Variants in GRIK1 observed in about 807,000 individuals in gnomAD.
GRIK1 encodes glutamate ionotropic receptor kainate type subunit 1.
In GRIK1, 69 loss-of-function variants were observed where a neutral mutation model predicts 105.7. The observed-to-expected ratio is 0.65, with a 90% confidence interval of 0.54 to 0.80. GRIK1 has a LOEUF of 0.80. GRIK1 is among the 30% of genes least tolerant of loss of function. GRIK1 has a pLI of 0.00. For missense variants in GRIK1, 1,109 were observed against 1,167.3 expected (o/e 0.95, Z 0.73); for synonymous variants, 438 against 431.3 (o/e 1.02, Z -0.19).
At chr21:29,604,386 C>A (rs2061574296) in intron 7 of GRIK1, among the ~76,000 whole-genome samples, 1 of 152,166 alleles carries the variant, frequency 6.6e-6, no homozygotes, top group Admixed American at 6.5e-5. Flanking sequence ...TGTCTTCCTG[C>A]CTCTCATCCC....
chr21:29,810,524 T>C (rs1341793416), intron 1 of GRIK1, among the ~76,000 whole-genome samples: 4 of 152,176 alleles, frequency 2.6e-5, no homozygotes, highest in African/African-American at 7.2e-5. Context: ...GAGGTATGCC[T>C]GTATAGTTCC....
chr21:29,784,163 A>G (rs910600933), intron 1 of GRIK1, among the ~76,000 whole-genome samples: 1 of 152,212 alleles, frequency 6.6e-6, no homozygotes, highest in African/African-American at 2.4e-5. Flanking sequence ...CACTATGTCA[A>G]TATAAAAGAA....
At chr21:29,907,204 T>G (rs1241657683) in intron 1 of GRIK1, among the ~76,000 whole-genome samples, 5 of 151,912 alleles carry the variant, frequency 3.3e-5, no homozygotes, top group Admixed American at 6.6e-5. Flanking sequence ...TCTCCCTCAG[T>G]GGAAGAATAA....
intron 1 of GRIK1, among the ~76,000 whole-genome samples, chr21:29,694,815 A>C (rs2063663207): frequency 1.3e-5 from 2 of 152,200 alleles, no homozygotes; most frequent in African/African-American, 4.8e-5. Flanking sequence ...GATCATGCAG[A>C]GTTGATGGGA....
chr21:29,798,726 G>A (rs913069216), intron 1 of GRIK1, among the ~76,000 whole-genome samples: 1 of 152,026 alleles, frequency 6.6e-6, no homozygotes, highest in Non-Finnish European at 1.5e-5. Flanking sequence ...AATACTCCTC[G>A]GCATGTCCAA....
chr21:29,757,500 T>A (rs1009473760), intron 1 of GRIK1, among the ~76,000 whole-genome samples: 1 of 152,250 alleles, frequency 6.6e-6, no homozygotes, highest in African/African-American at 2.4e-5. Context: ...ACTAGCACAA[T>A]TTCCTATATA....
At chr21:29,887,329 C>A (rs2069666793) in intron 1 of GRIK1, among the ~76,000 whole-genome samples, 1 of 152,126 alleles carries the variant, frequency 6.6e-6, no homozygotes, top group South Asian at 2.1e-4. Flanking sequence ...GAAGTTCTAA[C>A]CTAACAATCC....
At chr21:29,581,951 T>A (rs1230536261) in intron 12 of GRIK1, among the ~76,000 whole-genome samples, 1 of 152,190 alleles carries the variant, frequency 6.6e-6, no homozygotes, top group African/African-American at 2.4e-5. Flanking sequence ...GTCAAGATAT[T>A]GTGTCGTTAG....
intron 3 of GRIK1, among the ~76,000 whole-genome samples, chr21:29,677,225 G>A (rs2063286422): frequency 1.3e-5 from 2 of 152,170 alleles, no homozygotes; most frequent in South Asian, 2.1e-4. Context: ...GTGTACAGGA[G>A]TTTATTGTAC....
intron 1 of GRIK1, among the ~76,000 whole-genome samples, chr21:29,755,228 T>C (rs916520788): frequency 6.6e-6 from 1 of 152,186 alleles, no homozygotes; most frequent in Admixed American, 6.5e-5. Flanking sequence ...TGTTAGTATA[T>C]TAATATGGAT....
In GRIK1 at chr21:29,715,974, C is replaced by T. The variant is rs2064167631; in HGVS notation, c.119-21911G>A. 2.0e-5 allele frequency among the ~76,000 whole-genome samples: 3 copies of T among 151,872 alleles called. No homozygotes were observed. In the South Asian group the frequency reaches 6.2e-4, roughly 32 times the overall value. ...TAATCCCTATGTGTGGTGGGAGGGACCAGGTGGGAGATAATTGAATCATGG... is the reference window on the plus strand; with the variant it reads ...TAATCCCTATGTGTGGTGGGAGGGATCAGGTGGGAGATAATTGAATCATGG... On this transcript the variant is annotated intron_variant, in intron 1 of 17. Transcript: ENST00000327783.
intron 1 of GRIK1, among the ~76,000 whole-genome samples, chr21:29,874,805 A>G (rs1460571808): frequency 6.6e-6 from 1 of 152,182 alleles, no homozygotes; most frequent in Non-Finnish European, 1.5e-5. Context: ...AATGGAGAGA[A>G]CTTAGTGACT....
At chr21:29,930,712 T>A (rs1481543748) in intron 1 of GRIK1, among the ~76,000 whole-genome samples, 1 of 152,324 alleles carries the variant, frequency 6.6e-6, no homozygotes, top group South Asian at 2.1e-4. Flanking sequence ...ACAACTAATG[T>A]CTGATTTTCT....
At chr21:29,905,936 G>GTT (rs199940755) in intron 1 of GRIK1, among the ~76,000 whole-genome samples, 6 of 139,116 alleles carry the variant, frequency 4.3e-5, no homozygotes, top group African/African-American at 1.8e-4. Context: ...CCCAAAACTT[G>GTT]TTTTTTTTGT....
At chr21:29,757,326 C>T (rs917288684) in intron 1 of GRIK1, among the ~76,000 whole-genome samples, 1 of 152,066 alleles carries the variant, frequency 6.6e-6, no homozygotes, top group African/African-American at 2.4e-5. Flanking sequence ...AGAAGGTTTC[C>T]TTCAACTTCT....
intron 14 of GRIK1, among the ~76,000 whole-genome samples, chr21:29,575,433 C>T (rs1018794969): frequency 6.6e-5 from 10 of 151,926 alleles, no homozygotes; most frequent in African/African-American, 2.4e-4. Context: ...GCAACTTATA[C>T]CTCCTAAATC....
chr21:29,631,783 A>T (rs7509953), intron 7 of GRIK1, among the ~76,000 whole-genome samples: 78,894 of 152,110 alleles, frequency 0.52, 23,083 homozygotes, highest in African/African-American at 0.81. Context: ...AAATAAAATA[A>T]GTTATTAAAA....
At chr21:29,609,411 A>G (rs1458771920) in intron 7 of GRIK1, among the ~76,000 whole-genome samples, 1 of 152,174 alleles carries the variant, frequency 6.6e-6, no homozygotes, top group East Asian at 1.9e-4. Flanking sequence ...TGTGTAAATA[A>G]GGTCACACCA....
At chr21:29,734,484 C>A (rs454552) in intron 1 of GRIK1, among the ~76,000 whole-genome samples, 1,626 of 151,594 alleles carry the variant, frequency 0.011, 12 homozygotes, top group Middle Eastern at 0.034. Context: ...TCACAGCTCA[C>A]TGCAGCCTCG....
Sources: allele counts gnomAD v4.1 joint callset (sites outside exome capture counted in the v4.1 genomes callset), GRCh38; gene constraint gnomAD v4.1.1; transcripts MANE v1.5; gene names NCBI Gene and HGNC (gene_info 2026-07-23, HGNC 2026-07-21).